Variants in CLCNKA observed in about 807,000 individuals in gnomAD.
CLCNKA encodes the protein chloride voltage-gated channel Ka, also known as chloride channel protein ClC-Ka.
A neutral mutation model predicts 83.3 loss-of-function variants in CLCNKA; 66 were observed. The ratio of observed to expected loss-of-function variants is 0.79; its 90% CI spans 0.65 to 0.97. The LOEUF (loss-of-function observed/expected upper bound fraction) is 0.97. Among genes scored for constraint, CLCNKA ranks in the 50% least tolerant of loss-of-function variants. CLCNKA has a pLI of 0.00. For missense variants in CLCNKA, 806 were observed against 888.7 expected, an observed-to-expected ratio of 0.91 and a Z score of 1.18; for synonymous variants, 357 against 370.4, an observed-to-expected ratio of 0.96 and a Z score of 0.42.
intron 2 of CLCNKA, 93 bp downstream of exon 2, chr1:16,022,812 C>T (rs2022190541): frequency 1.1e-6 from 1 of 902,010 alleles, no homozygotes; most frequent in Non-Finnish European, 1.6e-6. Flanking sequence ...CAGGAACCAC[C>T]CTCCTGTCAT....
chr1:16,029,402 C>T, intron 12 of CLCNKA, 103 bp downstream of exon 12: 2 of 1,542,190 alleles, frequency 1.3e-6, no homozygotes, highest in Middle Eastern at 1.9e-4. Context: ...CCAGGCCTCT[C>T]ACCCACACTT....
chr1:16,027,530 T>TCCCTCTCTCTCCCTCTTTTCCCTC, intron 8 of CLCNKA, 95 bp downstream of exon 8: 1 of 1,553,168 alleles, frequency 6.4e-7, no homozygotes, highest in Non-Finnish European at 8.7e-7. Flanking sequence ...GCTCTTCCCT[T>TCCCTCTCTCTCCCTCTTTTCCCTC]CCCTCTCTCT....
At position 16,033,785 on chromosome 1, in the gene CLCNKA, C is replaced by G. The variant is rs1377131372; in HGVS notation, c.*127C>G. ...AGCCCAGCTCCATTCTTTGGCATAA[C>G]AGGCAACTCTAACCTAGCCCAGAAG... On this transcript the variant is annotated 3_prime_UTR_variant, in exon 20 of 20. Coordinates refer to ENST00000331433, the MANE Select transcript of CLCNKA (RefSeq NM_004070.4). 1.3e-5 allele frequency: 12 copies of G among 944,328 alleles called. No individual in the cohort carries two copies. The highest frequency in any genetic ancestry group is 1.7e-5 in the Non-Finnish European group (10 of 590,490). The allele number at this position is 944,328 out of a possible 1,614,324, so 58.5% of individuals were successfully genotyped here.
At chr1:16,022,481 A>C (rs1441088446) in intron 1 of CLCNKA, 132 bp from the exon 2 acceptor site, 3 of 630,450 alleles carry the variant, frequency 4.8e-6, no homozygotes, top group East Asian at 2.8e-5. Context: ...ACACAGACCT[A>C]GTGTGATAAC....
In CLCNKA at chr1:16,033,630, A is replaced by G; in HGVS notation, c.2036A>G (p.Asn679Ser). 1 of 1,557,630 alleles carries G rather than the reference A, an allele frequency of 6.4e-7. No individual in the cohort carries two copies. Among genetic ancestry groups the G allele is most frequent in the Non-Finnish European group, 8.7e-7 (1 of 1,151,478 alleles). Reference protein sequence around the residue: ...SWVEMKKAISNLTNPPAPK With the variant: ...SWVEMKKAISSLTNPPAPK ...TTCTAGATGAAGAAAGCAATTTCCA[A>G]CCTGACAAATCCGCCAGCTCCAAAG... The change falls in exon 20 of 20, where the codon AAC (asparagine) becomes AGC (serine). Residue 679 changes from asparagine to serine, a missense_variant. By Grantham distance (46) the Asn-to-Ser change is conservative. Transcript: ENST00000331433.
At chr1:16,026,305 C>A (rs1246296815) in intron 5 of CLCNKA, 58 bp downstream of exon 5, 4 of 1,540,440 alleles carry the variant, frequency 2.6e-6, no homozygotes, top group Non-Finnish European at 3.5e-6. Flanking sequence ...TGCCCCAGCT[C>A]TCCCCCATAC....
In CLCNKA at chr1:16,032,602, C is replaced by G. The variant is rs1485334562; in HGVS notation, c.1929+76C>G. 16 of 1,162,338 alleles carry G rather than the reference C, an allele frequency of 1.4e-5. No individual in the cohort carries two copies. The South Asian group carries it at 1.8e-4, about 13-fold the overall frequency. The allele number at this position is 1,162,338 out of a possible 1,614,324, so 72.0% of individuals were successfully genotyped here. On this transcript the variant is annotated intron_variant, in intron 18 of 19. Transcript: ENST00000331433. ...AGCTGATGAGGAGCTCAGGCTCCAG[C>G]CTCCCGTCCCAACCCCGCCCCGCCC...
At chr1:16,028,635 CA>C in intron 10 of CLCNKA, 125 bp from the exon 11 acceptor site, 2 of 1,200,790 alleles carry the variant, frequency 1.7e-6, no homozygotes, top group Admixed American at 1.7e-5. Flanking sequence ...TCCTCCTCAC[CA>C]GTCCTTGCCT....
chr1:16,026,522 C>T lies in CLCNKA; in HGVS notation c.499-14C>T, dbSNP rs1388219232. The T allele has an allele frequency of 1.9e-6, 3 of 1,613,728 alleles. No individual in the cohort carries two copies. The highest frequency in any genetic ancestry group is 2.2e-5 in the East Asian group (1 of 44,864). ...CTCTGCTGCCCTCACCTGGGCCCAC[C>T]CTTCCCTCTGCAGGGCCCTTTCGTG... On this transcript the variant is annotated splice_polypyrimidine_tract_variant and intron_variant, in intron 5 of 19. Transcript: ENST00000331433.
intron 13 of CLCNKA, 29 bp downstream of exon 13, chr1:16,029,829 GT>G: frequency 6.2e-7 from 1 of 1,613,986 alleles, no homozygotes; most frequent in Non-Finnish European, 8.5e-7. Flanking sequence ...GGTTCTGAGA[GT>G]TTTGGGGTTC....
In CLCNKA at chr1:16,029,797, C is replaced by T. The variant is rs750181872; in HGVS notation, c.1294C>T (p.Leu432Phe). The T allele has an allele frequency of 1.2e-5, 19 of 1,614,114 alleles. No individual in the cohort carries two copies. Among genetic ancestry groups the T allele is most frequent in the Non-Finnish European group, 1.4e-5 (17 of 1,180,004 alleles). ...PAGYFMPIFI[L>F]GAAIGRLLGE... ...CGGGTACTTCATGCCCATCTTTATCCTTGGTGAGTCTGGGGTCCTGAGGTT... is the reference window on the plus strand; with the variant it reads ...CGGGTACTTCATGCCCATCTTTATCTTTGGTGAGTCTGGGGTCCTGAGGTT... The change falls in exon 13 of 20, where the codon CTT becomes TTT. Residue 432 changes from leucine to phenylalanine, a missense_variant. Transcript: ENST00000331433.
intron 8 of CLCNKA, 83 bp downstream of exon 8, chr1:16,027,518 T>G: frequency 2.6e-5 from 41 of 1,573,280 alleles, no homozygotes; most frequent in Non-Finnish European, 3.3e-5. Context: ...TGTACATCTC[T>G]TGCTCTTCCC....
intron 19 of CLCNKA, 83 bp from the exon 20 acceptor site, chr1:16,033,528 C>A (rs1225302684): frequency 5.5e-5 from 65 of 1,181,286 alleles, no homozygotes; most frequent in Non-Finnish European, 7.7e-5. Flanking sequence ...TGGAAATGAA[C>A]CTTAGGGGAC....
At chr1:16,032,662 A>T in intron 18 of CLCNKA, 136 bp downstream of exon 18, 2 of 731,570 alleles carry the variant, frequency 2.7e-6, no homozygotes, top group Non-Finnish European at 4.9e-6. Flanking sequence ...CTGGGCCTGG[A>T]CAGGGCAGCT....
Position 16,030,476 on chromosome 1 carries a change from C to G in CLCNKA, c.1424C>G (p.Ser475Ter), listed in dbSNP as rs375233250. The G allele has an allele frequency of 6.2e-7, 1 of 1,612,794 alleles. No homozygotes were observed. The highest frequency in any genetic ancestry group is 8.5e-7 in the Non-Finnish European group (1 of 1,179,950). Residue 475 changes from serine to a stop codon, truncating the protein, a stop_gained, in exon 15 of 20, where the codon TCA becomes TGA. Coordinates refer to ENST00000331433, the MANE Select transcript of CLCNKA (RefSeq NM_004070.4). LOFTEE classifies it high-confidence loss of function. ...GCCCCGGCAGGGGCTGCAGCCTTCT[C>G]AGGGGCTGTGACCCACACCATCTCC... is the stretch of plus-strand genomic sequence containing the variant. Reference protein sequence around the residue: ...GYALAGAAAFSGAVTHTISTA... With the variant: ...GYALAGAAAF
intron 7 of CLCNKA, 147 bp downstream of exon 7, chr1:16,026,922 C>A (rs187477176): frequency 6.1e-5 from 67 of 1,094,898 alleles, no homozygotes; most frequent in East Asian, 3.9e-4. Context: ...ATAGCCACCC[C>A]CCGGGGGCGG....
At chr1:16,033,034 T>G in intron 18 of CLCNKA, 136 bp from the exon 19 acceptor site, 1 of 938,878 alleles carries the variant, frequency 1.1e-6, no homozygotes, top group Non-Finnish European at 1.7e-6. Flanking sequence ...CACTGGACAT[T>G]GCAGGCCTGG....
chr1:16,022,509 ATCCT>A, intron 1 of CLCNKA, 100 bp from the exon 2 acceptor site: 1 of 789,450 alleles, frequency 1.3e-6, no homozygotes, highest in South Asian at 1.8e-5. Context: ...CACACGCACA[ATCCT>A]TCCTCTTCAT....
At chr1:16,027,933 G>A (rs1321516526) in intron 9 of CLCNKA, 28 bp downstream of exon 9, 5 of 1,613,870 alleles carry the variant, frequency 3.1e-6, no homozygotes, top group Non-Finnish European at 4.2e-6. Flanking sequence ...GCCCCTGAGA[G>A]TCCAAAAGGC....
Sources: allele counts gnomAD v4.1 joint callset, GRCh38; gene constraint gnomAD v4.1.1; transcripts MANE v1.5; gene names NCBI Gene and HGNC (gene_info 2026-07-23, HGNC 2026-07-21).